HBP1: variants seen among roughly 807,000 people sequenced by gnomAD.
HBP1 encodes the protein HMG-box transcription factor 1.
A neutral mutation model predicts 62.6 loss-of-function variants in HBP1; 20 were observed. The observed-to-expected ratio is 0.32, with a 90% confidence interval of 0.22 to 0.46. The LOEUF (loss-of-function observed/expected upper bound fraction) is 0.46, where lower values mean the gene tolerates loss of function less well. Among genes scored for constraint, HBP1 ranks in the 20% least tolerant of loss-of-function variants. The probability of loss-of-function intolerance (pLI) is 1.00; values close to 1 mark genes in which losing one functional copy is unlikely to be tolerated. For synonymous variants in HBP1, 232 were observed against 206.2 expected, an observed-to-expected ratio of 1.12 and a Z score of -1.07; for missense variants, 480 against 611.8, an observed-to-expected ratio of 0.78 and a Z score of 2.27.
chr7:107,200,116 G>A, intron 9 of HBP1, 44 bp from the exon 10 acceptor site: 2 of 1,450,266 alleles, frequency 1.4e-6, no homozygotes, highest in South Asian at 3.0e-5. Flanking sequence ...TGAGATTTAT[G>A]AAAAATGTGT....
At chr7:107,171,050 T>TATAACATATACATGTATAA in intron 1 of HBP1, among the ~76,000 whole-genome samples, 1 of 58,668 alleles carries the variant, frequency 1.7e-5, no homozygotes, top group African/African-American at 2.1e-4. Flanking sequence ...TGTATAAATA[T>TATAACATATACATGTATAA]ATATATATAT....
chr7:107,185,562 CGTA>C (rs1420863517), intron 3 of HBP1, among the ~76,000 whole-genome samples: 4 of 151,872 alleles, frequency 2.6e-5, no homozygotes, highest in Non-Finnish European at 4.4e-5. Flanking sequence ...AAACCATAGT[CGTA>C]GTTTAAAATA....
intron 3 of HBP1, 58 bp from the exon 4 acceptor site, chr7:107,185,743 T>C: frequency 7.3e-7 from 1 of 1,363,954 alleles, no homozygotes; most frequent in Non-Finnish European, 1.0e-6. Context: ...CTTTCATTAA[T>C]AGGAAAGATC....
chr7:107,187,069 G>A (rs1407384552), intron 6 of HBP1, among the ~76,000 whole-genome samples: 2 of 152,022 alleles, frequency 1.3e-5, no homozygotes, highest in African/African-American at 4.8e-5. Context: ...TGGCTAACGC[G>A]GTGAAACCCC....
chr7:107,181,331 C>T (rs1797095173), intron 2 of HBP1, among the ~76,000 whole-genome samples: 1 of 152,018 alleles, frequency 6.6e-6, no homozygotes, highest in East Asian at 1.9e-4. Flanking sequence ...ATTAGCTGGG[C>T]ATGGTGGGTA....
intron 1 of HBP1, chr7:107,170,219 A>G (rs1311425904): frequency 9.3e-6 from 7 of 754,790 alleles, no homozygotes; most frequent in African/African-American, 7.6e-5. Flanking sequence ...GGAGTTATAC[A>G]TACTGGGAAG....
chr7:107,191,638 A>G (rs1228576232), intron 8 of HBP1, among the ~76,000 whole-genome samples: 4 of 152,202 alleles, frequency 2.6e-5, no homozygotes, highest in Non-Finnish European at 4.4e-5. Context: ...TGATATAATC[A>G]TATAGTGGAA....
At chr7:107,171,659 T>C (rs921168696) in intron 1 of HBP1, among the ~76,000 whole-genome samples, 1 of 135,260 alleles carries the variant, frequency 7.4e-6, no homozygotes, top group African/African-American at 2.8e-5. Flanking sequence ...AGGTCAGGGG[T>C]TCAAGACCAG....
intron 7 of HBP1, 135 bp from the exon 8 acceptor site, chr7:107,190,038 C>T: frequency 1.6e-6 from 1 of 626,160 alleles, no homozygotes; most frequent in Admixed American, 2.8e-5. Context: ...TGTAAAGATA[C>T]ATGACTTGTG....
intron 2 of HBP1, among the ~76,000 whole-genome samples, chr7:107,181,659 T>G (rs1038269369): frequency 6.9e-6 from 1 of 145,214 alleles, no homozygotes; most frequent in Non-Finnish European, 1.5e-5. Flanking sequence ...TCGTGGAGAG[T>G]TTTTTTTTTT....
chr7:107,175,092 CCTT>C (rs1422143333), intron 1 of HBP1, among the ~76,000 whole-genome samples: 1 of 152,022 alleles, frequency 6.6e-6, no homozygotes, highest in African/African-American at 2.4e-5. Context: ...AAAATACCCT[CCTT>C]AAAATATTAT....
intron 6 of HBP1, among the ~76,000 whole-genome samples, chr7:107,187,927 T>C (rs1325177100): frequency 6.6e-6 from 1 of 152,182 alleles, no homozygotes; most frequent in African/African-American, 2.4e-5. Flanking sequence ...CACCAGTTCC[T>C]CTCTCCTGAT....
chr7:107,199,748 T>G (rs567439468), intron 9 of HBP1, among the ~76,000 whole-genome samples: 1 of 152,286 alleles, frequency 6.6e-6, no homozygotes, highest in South Asian at 2.1e-4. Context: ...CAGTTTAACT[T>G]CTTAGCATTT....
At chr7:107,176,855 C>G (rs920657200) in intron 1 of HBP1, among the ~76,000 whole-genome samples, 1 of 152,122 alleles carries the variant, frequency 6.6e-6, no homozygotes, top group Non-Finnish European at 1.5e-5. Flanking sequence ...TATGCTAAGA[C>G]TGATTGTGAT....
chr7:107,175,802 T>C (rs1442993969), intron 1 of HBP1, among the ~76,000 whole-genome samples: 20 of 151,398 alleles, frequency 1.3e-4, no homozygotes, highest in Admixed American at 6.6e-4. Context: ...CTGCAAGCTC[T>C]GCCTCCCAGG....
chr7:107,180,006 A>G lies in HBP1; in HGVS notation c.113A>G (p.Asn38Ser). The change falls in exon 2 of 11, where the codon AAT (asparagine) becomes AGT (serine). Residue 38 changes from asparagine to serine, a missense_variant. This residue lies in a region of HBP1 where 304 missense variants were observed against 330.9 expected (regional missense o/e 0.92). Coordinates refer to ENST00000222574, the MANE Select transcript of HBP1 (RefSeq NM_012257.4). ...MNDSLELLQCNENLPSSPGYN... is the reference protein window; with the variant it reads ...MNDSLELLQCSENLPSSPGYN... ...GACTCATTGGAGTTGCTGCAGTGTA[A>G]TGAGAATTTGCCATCTTCACCTGGA... 6.2e-7 allele frequency: 1 copy of G among 1,609,814 alleles called. No homozygotes were observed. The highest frequency in any genetic ancestry group is 8.5e-7 in the Non-Finnish European group (1 of 1,176,576).
chr7:107,189,554 G>A (rs531036492), intron 7 of HBP1, 106 bp downstream of exon 7: 16 of 790,584 alleles, frequency 2.0e-5, no homozygotes, highest in Non-Finnish European at 2.2e-5. Flanking sequence ...AGGGGAAAAC[G>A]TCTTTCAAAC....
intron 1 of HBP1, among the ~76,000 whole-genome samples, chr7:107,171,775 G>A (rs533647968): frequency 6.7e-6 from 1 of 149,814 alleles, no homozygotes; most frequent in Non-Finnish European, 1.5e-5. Context: ...CAAGGGAATC[G>A]CTTGAACCCG....
chr7:107,169,030 A>G lies in HBP1; in HGVS notation c.-171A>G, dbSNP rs17153913. 7.8e-7 allele frequency: 1 copy of G among 1,288,718 alleles called. No individual in the cohort carries two copies. Among genetic ancestry groups the G allele is most frequent in the South Asian group, 1.2e-5 (1 of 80,918 alleles). The allele number at this position is 1,288,718 out of a possible 1,614,324, so 79.8% of individuals were successfully genotyped here. A position where few individuals can be genotyped will look rare whatever the true frequency, so the allele number is the denominator to read the frequency against. ...ACTTGGTAATGGCGACGGGTTTGGT[A>G]AGTAGGAAAGTTTCGGTTGAGGAGT... On this transcript the variant is annotated 5_prime_UTR_variant, in exon 1 of 11. Coordinates refer to ENST00000222574, the MANE Select transcript of HBP1 (RefSeq NM_012257.4).
Sources: allele counts gnomAD v4.1 joint callset (sites outside exome capture counted in the v4.1 genomes callset), GRCh38; gene constraint gnomAD v4.1.1; regional missense constraint gnomAD v4.1.1; transcripts MANE v1.5; gene names NCBI Gene and HGNC (gene_info 2026-07-23, HGNC 2026-07-21).